Variants in LRP1B observed in about 807,000 individuals in gnomAD.
The protein encoded by LRP1B is LDL receptor related protein 1B.
A neutral mutation model predicts 556.6 loss-of-function variants in LRP1B; 217 were observed. The observed-to-expected ratio is 0.39, with a 90% CI of 0.35 to 0.44. The LOEUF is 0.44. Ranked by LOEUF, LRP1B falls within the 20% of genes least tolerant of loss-of-function variation. The pLI is 1.00. For synonymous variants in LRP1B, 2,047 were observed against 1,865.8 expected (o/e 1.10, Z -2.50); for missense variants, 5,053 against 5,620.8 (o/e 0.90, Z 3.23).
intron 7 of LRP1B, among the ~76,000 whole-genome samples, chr2:141,167,510 G>A (rs113284787): frequency 0.036 from 5,451 of 151,568 alleles, 154 homozygotes; most frequent in South Asian, 0.083. Flanking sequence ...TCCAGGCGTG[G>A]TATTAAAGTA....
chr2:141,047,085 T>TAATAAA (rs1477069434), intron 11 of LRP1B, among the ~76,000 whole-genome samples: 1 of 149,706 alleles, frequency 6.7e-6, no homozygotes, highest in South Asian at 2.1e-4. Context: ...ATAATAATAA[T>TAATAAA]AAATGCAAGT....
At chr2:141,085,446 T>C (rs1700027628) in intron 7 of LRP1B, among the ~76,000 whole-genome samples, 1 of 152,138 alleles carries the variant, frequency 6.6e-6, no homozygotes, top group African/African-American at 2.4e-5. Context: ...ATTAGACTGA[T>C]GTCCTTGTGA....
chr2:140,541,899 A>C lies in LRP1B; in HGVS notation c.7267T>G (p.Trp2423Gly). 6.2e-7 allele frequency: 1 copy of C among 1,612,740 alleles called. No homozygotes were observed. Among genetic ancestry groups the C allele is most frequent in the South Asian group, 1.1e-5 (1 of 91,002 alleles). ...VYDNYIFWSD[W>G]GRRAILRSNK... The stretch of plus-strand genomic sequence containing the variant: ...GACCGCAGTATAGCTCTTCTTCCCC[A>C]GTCCGACCAGAATATATAATTGTCA... Residue 2423 changes from tryptophan to glycine, a missense_variant, in exon 44 of 91, where the codon TGG (tryptophan) becomes GGG (glycine). Trp to Gly is a radical substitution (Grantham distance 184, BLOSUM62 -2). Transcript: ENST00000389484.
At chr2:141,660,301 A>G (rs1313772509) in intron 2 of LRP1B, among the ~76,000 whole-genome samples, 5 of 152,124 alleles carry the variant, frequency 3.3e-5, no homozygotes, top group Non-Finnish European at 7.4e-5. Flanking sequence ...TGCTTTTTCC[A>G]TGGATTTGTG....
intron 84 of LRP1B, among the ~76,000 whole-genome samples, chr2:140,276,912 T>G (rs528376536): frequency 6.6e-6 from 1 of 152,030 alleles, no homozygotes; most frequent in East Asian, 1.9e-4. Context: ...GTAGTTCCCA[T>G]GGGAACTAGA....
At chr2:140,312,334 T>A (rs1684337836) in intron 83 of LRP1B, among the ~76,000 whole-genome samples, 1 of 152,076 alleles carries the variant, frequency 6.6e-6, no homozygotes, top group East Asian at 1.9e-4. Flanking sequence ...GTCTCAAAAG[T>A]ACAAACCCTC....
intron 7 of LRP1B, among the ~76,000 whole-genome samples, chr2:141,096,681 A>AGAGAGAGAGGGG (rs1700329193): frequency 7.7e-6 from 1 of 130,514 alleles, no homozygotes; most frequent in Non-Finnish European, 1.7e-5. Flanking sequence ...AGAGAGAGAG[A>AGAGAGAGAGGGG]GAGAGAGAGA....
chr2:140,479,822 G>C lies in LRP1B; in HGVS notation c.9426-4485C>G, dbSNP rs79673955. Among the ~76,000 whole-genome samples, 112 of 152,208 alleles carry C rather than the reference G, an allele frequency of 7.4e-4. 4 individuals carry two copies. In the East Asian group the frequency reaches 0.021, roughly 28 times the overall value. On this transcript the variant is annotated intron_variant, in intron 59 of 90. Transcript: ENST00000389484. ...ATATATAGTTTAATGAAATATTTCT[G>C]TGTTCCTCTACAGAAATCAGAAACT... is the stretch of plus-strand genomic sequence containing the variant.
chr2:140,723,582 G>A (rs560567340), intron 35 of LRP1B, among the ~76,000 whole-genome samples: 1 of 152,266 alleles, frequency 6.6e-6, no homozygotes, highest in East Asian at 1.9e-4. Flanking sequence ...GGGAATATTA[G>A]GGATATGAGA....
chr2:141,482,951 T>C (rs1167072557), intron 2 of LRP1B, among the ~76,000 whole-genome samples: 1 of 27,066 alleles, frequency 3.7e-5, no homozygotes, highest in East Asian at 0.071. Context: ...TGTTTTGTTT[T>C]GTTTTTTTAT....
chr2:141,600,426 G>C (rs746302599), intron 2 of LRP1B, among the ~76,000 whole-genome samples: 1 of 152,112 alleles, frequency 6.6e-6, no homozygotes, highest in Non-Finnish European at 1.5e-5. Flanking sequence ...TTTTCTAAAG[G>C]ATTGGGTCCT....
At chr2:141,886,169 T>C (rs1391492303) in intron 1 of LRP1B, among the ~76,000 whole-genome samples, 2 of 152,158 alleles carry the variant, frequency 1.3e-5, no homozygotes, top group African/African-American at 2.4e-5. Context: ...CATTGGATAA[T>C]ATCTGAATGT....
At chr2:141,985,463 G>C (rs1373862606) in intron 1 of LRP1B, among the ~76,000 whole-genome samples, 5 of 152,026 alleles carry the variant, frequency 3.3e-5, no homozygotes, top group Non-Finnish European at 5.9e-5. Context: ...CAATTTCAAG[G>C]AAACAATGAA....
chr2:140,253,392 G>A (rs1268340314), intron 86 of LRP1B, among the ~76,000 whole-genome samples: 1 of 151,910 alleles, frequency 6.6e-6, no homozygotes, highest in Non-Finnish European at 1.5e-5. Context: ...TGAAGAGGTG[G>A]CCATGAAAGA....
chr2:141,092,812 A>G (rs1700200925), intron 7 of LRP1B, among the ~76,000 whole-genome samples: 1 of 152,204 alleles, frequency 6.6e-6, no homozygotes. Context: ...TCGAGATGTG[A>G]AATGAAAATG....
intron 3 of LRP1B, among the ~76,000 whole-genome samples, chr2:141,299,250 T>C (rs868666740): frequency 2.0e-5 from 3 of 152,182 alleles, no homozygotes; most frequent in Admixed American, 6.5e-5. Context: ...GACAAATATA[T>C]GTTTTACCTC....
chr2:141,858,407 ACT>A (rs1285173631), intron 1 of LRP1B, among the ~76,000 whole-genome samples: 2 of 152,146 alleles, frequency 1.3e-5, no homozygotes, highest in African/African-American at 4.8e-5. Context: ...AATAATTAGC[ACT>A]CTGCCTGACA....
At chr2:142,065,485 C>T (rs1705078001) in intron 1 of LRP1B, among the ~76,000 whole-genome samples, 1 of 151,114 alleles carries the variant, frequency 6.6e-6, no homozygotes, top group Non-Finnish European at 1.5e-5. Flanking sequence ...TGTTCTGCCC[C>T]TATCTTCACT....
chr2:142,010,294 C>A (rs186039457), intron 1 of LRP1B, among the ~76,000 whole-genome samples: 46 of 152,118 alleles, frequency 3.0e-4, no homozygotes, highest in African/African-American at 1.0e-3. Flanking sequence ...AGGGTTCATG[C>A]CTGTAATCCT....
Sources: gnomAD v4.1 joint callset for allele counts (sites outside exome capture counted in the v4.1 genomes callset) on GRCh38, gnomAD v4.1.1 for gene constraint, MANE v1.5 for transcripts, NCBI Gene and HGNC (gene_info 2026-07-23, HGNC 2026-07-21) for gene names.